The following RYR3 variants were observed in gnomAD, a reference collection of about 807,000 sequenced individuals.
RYR3 encodes brain ryanodine receptor-calcium release channel.
In RYR3, 207 loss-of-function variants were observed where a neutral mutation model predicts 584.3. The observed-to-expected ratio is 0.35, with a 90% CI of 0.32 to 0.40. The LOEUF (loss-of-function observed/expected upper bound fraction) is 0.40. Among genes scored for constraint, RYR3 ranks in the 10% least tolerant of loss-of-function variants. The pLI, the probability that RYR3 is intolerant of heterozygous loss-of-function variation, is 1.00. For synonymous variants in RYR3, 2,416 were observed against 2,248.5 expected, an observed-to-expected ratio of 1.07 and a Z score of -2.11; for missense variants, 5,616 against 6,089.2, an observed-to-expected ratio of 0.92 and a Z score of 2.59.
intron 1 of RYR3, among the ~76,000 whole-genome samples, chr15:33,368,887 T>C (rs1365948925): frequency 6.6e-6 from 1 of 152,176 alleles, no homozygotes; most frequent in African/African-American, 2.4e-5. Flanking sequence ...GACAGTGTCC[T>C]GAAAACTTTA....
At chr15:33,644,647 C>T in intron 28 of RYR3, 128 bp downstream of exon 28, 1 of 664,192 alleles carries the variant, frequency 1.5e-6, no homozygotes, top group African/African-American at 1.8e-5. Context: ...CAGCCACCTC[C>T]CCTCTGGCCC....
intron 20 of RYR3, among the ~76,000 whole-genome samples, chr15:33,624,617 G>A (rs1457832463): frequency 7.2e-5 from 11 of 152,128 alleles, no homozygotes; most frequent in Non-Finnish European, 1.5e-4. Context: ...GAGAAGAGTT[G>A]GAAAATAAAA....
At chr15:33,773,433 T>C (rs2073759108) in intron 63 of RYR3, 101 bp from the exon 64 acceptor site, 1 of 801,128 alleles carries the variant, frequency 1.2e-6, no homozygotes, top group Middle Eastern at 2.2e-4. Flanking sequence ...GGAGAGATCT[T>C]TTACTCTTTA....
At chr15:33,805,501 G>A (rs949462589) in intron 69 of RYR3, among the ~76,000 whole-genome samples, 18 of 146,662 alleles carry the variant, frequency 1.2e-4, no homozygotes, top group African/African-American at 4.6e-4. Flanking sequence ...TCTTTGAGAC[G>A]GAGTCCTGCT....
intron 60 of RYR3, 63 bp from the exon 61 acceptor site, chr15:33,768,595 G>A (rs1943385631): frequency 1.4e-6 from 2 of 1,386,044 alleles, no homozygotes; most frequent in South Asian, 1.2e-5. Flanking sequence ...TTGGGGTGGG[G>A]GATACAAAGC....
chr15:33,721,584 A>G (rs1356514092), intron 43 of RYR3, among the ~76,000 whole-genome samples: 1 of 152,138 alleles, frequency 6.6e-6, no homozygotes, highest in African/African-American at 2.4e-5. Context: ...ACATAACATC[A>G]AAGTCTTGCC....
At chr15:33,765,973 T>C (rs991330451) in intron 60 of RYR3, among the ~76,000 whole-genome samples, 1 of 152,164 alleles carries the variant, frequency 6.6e-6, no homozygotes, top group Non-Finnish European at 1.5e-5. Flanking sequence ...TCTTCTGAGT[T>C]AGGACAAGAA....
In RYR3 at chr15:33,722,837, A is replaced by G; in HGVS notation, c.6742A>G (p.Ile2248Val). Residue 2248 changes from isoleucine (I) to valine (V), a missense_variant, in exon 44 of 104, where the codon ATT (isoleucine) becomes GTT (valine). Coordinates refer to ENST00000634891, the MANE Select transcript of RYR3 (RefSeq NM_001036.6). The part of the protein sequence containing the change: ...NGLLAAMQGA[I>V]KISENPALDL... ...GCTCTTGGCAGCCATGCAGGGTGCC[A>G]TTAAGATCTCTGAGAACCCAGCGCT... 1 of 1,610,786 alleles carries G rather than the reference A, an allele frequency of 6.2e-7. No homozygotes were observed. The highest frequency in any genetic ancestry group is 8.5e-7 in the Non-Finnish European group (1 of 1,178,602).
chr15:33,449,039 T>C (rs542967157), intron 1 of RYR3, among the ~76,000 whole-genome samples: 1 of 151,800 alleles, frequency 6.6e-6, no homozygotes, highest in Non-Finnish European at 1.5e-5. Context: ...GCAGAGAGAG[T>C]AATTAATTGT....
At chr15:33,416,325 C>T (rs565414851) in intron 1 of RYR3, among the ~76,000 whole-genome samples, 1 of 152,150 alleles carries the variant, frequency 6.6e-6, no homozygotes, top group Non-Finnish European at 1.5e-5. Context: ...CTACCAATAG[C>T]AATAAGCATT....
intron 42 of RYR3, 98 bp downstream of exon 42, chr15:33,701,178 A>T: frequency 1.4e-6 from 1 of 720,172 alleles, no homozygotes; most frequent in East Asian, 2.8e-5. Flanking sequence ...CTGTCACTGT[A>T]TCGTCATCTT....
chr15:33,623,857 C>T lies in RYR3; in HGVS notation c.2408C>T (p.Pro803Leu). The change falls in exon 20 of 104, where the codon CCC (proline) becomes CTC (leucine). Residue 803 changes from proline (P) to leucine (L), a missense_variant. By Grantham distance (98) the Pro-to-Leu change is moderately conservative. Around this residue, in one of 9 missense-constraint regions of RYR3, gnomAD observed 1,284 missense variants for 1,344.6 expected, o/e 0.95. Coordinates refer to ENST00000634891, the MANE Select transcript of RYR3 (RefSeq NM_001036.6). ...CATGGAGAGTTTAAGTTCCTGCCTC[C>T]CTCTGGCTATGCCCCTTGCTATGAA... ...GRHGEFKFLP[P>L]SGYAPCYEAL... 1 of 1,613,796 alleles carries T rather than the reference C, an allele frequency of 6.2e-7. No homozygotes were observed. The highest frequency in any genetic ancestry group is 8.5e-7 in the Non-Finnish European group (1 of 1,179,778).
chr15:33,734,021 G>C (rs941597793), intron 48 of RYR3, among the ~76,000 whole-genome samples: 1 of 152,186 alleles, frequency 6.6e-6, no homozygotes, highest in African/African-American at 2.4e-5. Flanking sequence ...TGTATCTACT[G>C]TCTTTGTATT....
At chr15:33,646,762 A>G (rs1271483171) in intron 29 of RYR3, among the ~76,000 whole-genome samples, 1 of 152,246 alleles carries the variant, frequency 6.6e-6, no homozygotes, top group Non-Finnish European at 1.5e-5. Context: ...ATCTGGTGGA[A>G]AAGTTTCTGC....
chr15:33,436,172 A>G (rs942395096), intron 1 of RYR3, among the ~76,000 whole-genome samples: 2 of 152,152 alleles, frequency 1.3e-5, no homozygotes, highest in African/African-American at 2.4e-5. Context: ...TTGAGTTGTC[A>G]TTGCCACCAT....
intron 72 of RYR3, among the ~76,000 whole-genome samples, chr15:33,812,203 G>A (rs1468279007): frequency 1.3e-5 from 2 of 152,044 alleles, no homozygotes; most frequent in African/African-American, 2.4e-5. Flanking sequence ...ATAACCACTT[G>A]GAGAGCCTCC....
chr15:33,731,497 T>C lies in RYR3; in HGVS notation c.7227T>C (p.Ala2409=), dbSNP rs1349019881. 2 of 1,612,852 alleles carry C rather than the reference T, an allele frequency of 1.2e-6. No homozygotes were observed. Among genetic ancestry groups the C allele is most frequent in the South Asian group, 2.2e-5 (2 of 90,732 alleles). The change falls in exon 48 of 104, where the codon GCT becomes GCC. Residue 2409 remains alanine, a synonymous_variant. Transcript: ENST00000634891. The part of the protein sequence containing the change: ...LDTVSLSTTE[A]ALALNRYICS... ...AGGTTTCCCTAAGCACCACAGAGGC[T>C]GCGCTTGCACTAAATAGGTATATAT... is the stretch of plus-strand genomic sequence containing the variant.
chr15:33,705,374 T>A (rs1164875451), intron 42 of RYR3, among the ~76,000 whole-genome samples: 1 of 152,184 alleles, frequency 6.6e-6, no homozygotes, highest in Non-Finnish European at 1.5e-5. Flanking sequence ...AGCAAGTAAG[T>A]GATTCATTGA....
intron 51 of RYR3, 34 bp from the exon 52 acceptor site, chr15:33,742,332 G>A (rs1052490570): frequency 7.4e-7 from 1 of 1,358,850 alleles, no homozygotes; most frequent in African/African-American, 1.4e-5. Context: ...TGAAGTGCTT[G>A]GGGAGGTTGT....
Sources: allele counts gnomAD v4.1 joint callset (sites outside exome capture counted in the v4.1 genomes callset), GRCh38; gene constraint gnomAD v4.1.1; regional missense constraint gnomAD v4.1.1; transcripts MANE v1.5; gene names NCBI Gene and HGNC (gene_info 2026-07-23, HGNC 2026-07-21).